Variants in AP4E1 observed in about 807,000 individuals in gnomAD.
AP4E1 encodes the protein adaptor related protein complex 4 subunit epsilon 1, also known as AP-4 complex subunit epsilon-1.
AP4E1 carries 56 observed loss-of-function variants against 128.2 expected under a neutral mutation model. The ratio of observed to expected loss-of-function variants is 0.44; its 90% confidence interval spans 0.35 to 0.55. The LOEUF is 0.55. Among genes scored for constraint, AP4E1 ranks in the 20% least tolerant of loss-of-function variants. AP4E1 has a pLI of 0.00. For missense variants in AP4E1, 1,324 were observed against 1,307.7 expected (o/e 1.01, Z -0.19); for synonymous variants, 484 against 473.1 (o/e 1.02, Z -0.30).
chr15:50,950,793 G>A (rs552538885), intron 13 of AP4E1, among the ~76,000 whole-genome samples: 41 of 152,034 alleles, frequency 2.7e-4, no homozygotes, highest in Non-Finnish European at 4.4e-4. Context: ...CCTGATAGGC[G>A]CTGGTGTGTG....
chr15:50,965,664 G>A (rs568501884), intron 14 of AP4E1, among the ~76,000 whole-genome samples: 3 of 152,250 alleles, frequency 2.0e-5, no homozygotes, highest in African/African-American at 4.8e-5. Flanking sequence ...GAACCTCCAC[G>A]TTTGGCTATC....
chr15:51,002,415 C>T, intron 20 of AP4E1, 87 bp from the exon 21 acceptor site: 1 of 1,412,444 alleles, frequency 7.1e-7, no homozygotes, highest in Non-Finnish European at 1.0e-6. Flanking sequence ...TTTTCATGTG[C>T]TTATTAGCCA....
rs2065005785 is a variant in AP4E1 at position 51,005,268 on chromosome 15, C to A, written c.*2606C>A. The A allele has an allele frequency of 1.3e-5, 2 of 152,434 alleles. No individual in the cohort carries two copies. The highest frequency in any genetic ancestry group is 4.8e-5 in the African/African-American group (2 of 41,430). The allele number at this position is 152,434 out of a possible 1,614,324, so 9.4% of individuals were successfully genotyped here. A position where few individuals can be genotyped will look rare whatever the true frequency, so the allele number is the denominator to read the frequency against. On this transcript the variant is annotated 3_prime_UTR_variant, in exon 21 of 21. Coordinates refer to ENST00000261842, the MANE Select transcript of AP4E1 (RefSeq NM_007347.5). ...GAAGGGACAACATCTGGGGTAAGAG[C>A]TATGGAGGAGGTGCTCAGCTTTGTG...
chr15:50,979,801 C>T (rs780418133), intron 15 of AP4E1, among the ~76,000 whole-genome samples: 1 of 151,912 alleles, frequency 6.6e-6, no homozygotes, highest in Non-Finnish European at 1.5e-5. Context: ...CTGGAATTAC[C>T]ACCCGGCCAT....
chr15:50,970,837 G>A (rs914683539), intron 15 of AP4E1, among the ~76,000 whole-genome samples: 11 of 152,110 alleles, frequency 7.2e-5, no homozygotes, highest in Non-Finnish European at 1.2e-4. Flanking sequence ...TCTTTTAAGT[G>A]GGGGAATTTG....
chr15:50,961,961 A>C (rs1201169335), intron 14 of AP4E1, among the ~76,000 whole-genome samples: 1 of 151,522 alleles, frequency 6.6e-6, no homozygotes, highest in South Asian at 2.1e-4. Flanking sequence ...ACACCAAGCC[A>C]GAAAAAAAAA....
At chr15:50,920,111 T>TTC (rs35392625) in intron 3 of AP4E1, among the ~76,000 whole-genome samples, 35,367 of 79,352 alleles carry the variant, frequency 0.45, 7,505 homozygotes, top group Non-Finnish European at 0.5. Flanking sequence ...AATTTATGCC[T>TTC]TTTTTTTTTT....
intron 1 of AP4E1, among the ~76,000 whole-genome samples, chr15:50,910,574 AT>A (rs1299091100): frequency 2.0e-5 from 3 of 152,178 alleles, no homozygotes; most frequent in Non-Finnish European, 4.4e-5. Flanking sequence ...TAAAAAAAAT[AT>A]TTTTTTGGCA....
chr15:50,991,501 A>G (rs896876883), intron 16 of AP4E1, among the ~76,000 whole-genome samples: 2 of 152,100 alleles, frequency 1.3e-5, no homozygotes, highest in Admixed American at 6.6e-5. Flanking sequence ...GGATCTGCTT[A>G]TGGCAAGTAC....
intron 1 of AP4E1, among the ~76,000 whole-genome samples, chr15:50,911,346 C>T (rs935648178): frequency 2.0e-5 from 3 of 152,108 alleles, no homozygotes; most frequent in Admixed American, 6.6e-5. Flanking sequence ...GGGAAAAAGA[C>T]CTATTTCTGT....
intron 10 of AP4E1, chr15:50,944,656 C>T (rs1567226884): frequency 2.7e-6 from 1 of 376,850 alleles, no homozygotes; most frequent in Non-Finnish European, 4.8e-6. Flanking sequence ...AGAAGAGCAA[C>T]CAAGATGAGG....
intron 19 of AP4E1, among the ~76,000 whole-genome samples, chr15:51,000,127 C>T (rs1309974737): frequency 8.5e-5 from 12 of 141,582 alleles, no homozygotes; most frequent in African/African-American, 2.9e-4. Flanking sequence ...ACAATGCTCT[C>T]GTTTTTGTTC....
intron 15 of AP4E1, among the ~76,000 whole-genome samples, chr15:50,971,649 CT>C (rs920815165): frequency 1.1e-4 from 16 of 150,770 alleles, no homozygotes; most frequent in East Asian, 5.8e-4. Context: ...ATTATTTTTT[CT>C]TTTTTTTTGT....
At position 50,997,526 on chromosome 15, in the gene AP4E1, T is replaced by C. The variant is rs201062786; in HGVS notation, c.2547T>C (p.Thr849=). The change falls in exon 18 of 21, where the codon ACT becomes ACC. Residue 849 remains threonine, a synonymous_variant. Transcript: ENST00000261842. ...AGGAATTAAAGAAATTTTCTCTCAC[T>C]TCAGAACTTTTGGATTCTGAGTCAC... ...GDKELKKFSL[T]SELLDSESLT... is the part of the protein sequence containing the mutation. 6.2e-7 allele frequency: 1 copy of C among 1,614,076 alleles called. No homozygotes were observed. The highest frequency in any genetic ancestry group is 2.2e-5 in the East Asian group (1 of 44,846).
At chr15:50,926,206 C>T (rs143250665) in intron 5 of AP4E1, among the ~76,000 whole-genome samples, 6,647 of 151,260 alleles carry the variant, frequency 0.044, 469 homozygotes, top group African/African-American at 0.15. Context: ...GGAGTGATCT[C>T]GGCTCACTGC....
intron 3 of AP4E1, among the ~76,000 whole-genome samples, chr15:50,918,925 C>T (rs1391317021): frequency 2.0e-5 from 3 of 151,572 alleles, no homozygotes; most frequent in South Asian, 4.2e-4. Context: ...TGTTGTTGTT[C>T]TCATAAATTA....
chr15:50,997,346 C>A lies in AP4E1; in HGVS notation c.2367C>A (p.Val789=). The A allele has an allele frequency of 6.2e-7, 1 of 1,600,236 alleles. No homozygotes were observed. Among genetic ancestry groups the A allele is most frequent in the South Asian group, 1.1e-5 (1 of 87,326 alleles). The change falls in exon 18 of 21, where the codon GTC becomes GTA. Residue 789 remains valine (V), a synonymous_variant. Coordinates refer to ENST00000261842, the MANE Select transcript of AP4E1 (RefSeq NM_007347.5). ...TGCAGCTGGGAAAAGCAGATACTGTCTCTCACAAGTTCAGAAGGAAATCAA... is the reference window on the plus strand; with the variant it reads ...TGCAGCTGGGAAAAGCAGATACTGTATCTCACAAGTTCAGAAGGAAATCAA... The part of the protein sequence containing the change: ...TINLLGKADT[V]SHKFRRKSKV...
In AP4E1 at chr15:50,958,649, A is replaced by G. The variant is rs958724808; in HGVS notation, c.1706A>G (p.Asn569Ser). 4.3e-6 allele frequency: 7 copies of G among 1,614,026 alleles called. No homozygotes were observed. The highest frequency in any genetic ancestry group is 5.1e-6 in the Non-Finnish European group (6 of 1,180,016). Reference sequence around the variant, plus strand: ...TTGACATCTCAGGCGCACTCTTCTAATACAGTTGAGAGATTAATCCATGAA... The same window carrying G: ...TTGACATCTCAGGCGCACTCTTCTAGTACAGTTGAGAGATTAATCCATGAA... ...TKLTSQAHSSNTVERLIHEFT... is the reference protein window; with the variant it reads ...TKLTSQAHSSSTVERLIHEFT... Residue 569 changes from asparagine (N) to serine (S), a missense_variant, in exon 14 of 21, where the codon AAT becomes AGT. Coordinates refer to ENST00000261842, the MANE Select transcript of AP4E1 (RefSeq NM_007347.5).
chr15:50,959,451 G>T (rs150265954), intron 14 of AP4E1, among the ~76,000 whole-genome samples: 26 of 152,124 alleles, frequency 1.7e-4, no homozygotes, highest in African/African-American at 6.0e-4. Context: ...CCCCAAAACT[G>T]CCAGACGAGT....
Sources: allele counts gnomAD v4.1 joint callset (sites outside exome capture counted in the v4.1 genomes callset), GRCh38; gene constraint gnomAD v4.1.1; transcripts MANE v1.5; gene names NCBI Gene and HGNC (gene_info 2026-07-23, HGNC 2026-07-21).